NUDT3: variants seen among roughly 807,000 people sequenced by gnomAD.
The protein encoded by NUDT3 is nudix hydrolase 3, also known as diphosphoinositol polyphosphate phosphohydrolase 1.
NUDT3 carries 9 observed loss-of-function variants against 23.6 expected under a neutral mutation model. The ratio of observed to expected loss-of-function variants is 0.38; its 90% CI spans 0.23 to 0.66. The LOEUF is 0.66. Ranked by LOEUF, NUDT3 falls within the 30% of genes least tolerant of loss-of-function variation. NUDT3 has a pLI of 0.52. For synonymous variants in NUDT3, 86 were observed against 82.6 expected, an observed-to-expected ratio of 1.04 and a Z score of -0.22; for missense variants, 172 against 218.5, an observed-to-expected ratio of 0.79 and a Z score of 1.34.
At chr6:34,315,400 T>C (rs1204354377) in intron 2 of NUDT3, among the ~76,000 whole-genome samples, 1 of 152,364 alleles carries the variant, frequency 6.6e-6, no homozygotes, top group South Asian at 2.1e-4. Flanking sequence ...TCACCAGAGA[T>C]GAACGGTTTA....
At chr6:34,375,323 GAC>G (rs1176508010) in intron 1 of NUDT3, among the ~76,000 whole-genome samples, 8 of 152,034 alleles carry the variant, frequency 5.3e-5, no homozygotes, top group Non-Finnish European at 7.4e-5. Flanking sequence ...CAGCCTGGGC[GAC>G]AGAGTAAGAC....
chr6:34,323,909 C>T (rs527261456), intron 2 of NUDT3, among the ~76,000 whole-genome samples: 38 of 152,092 alleles, frequency 2.5e-4, no homozygotes, highest in Non-Finnish European at 2.8e-4. Context: ...ATCTTCTTTG[C>T]GCTGTCTTTT....
intron 2 of NUDT3, among the ~76,000 whole-genome samples, chr6:34,324,371 C>G (rs2113720344): frequency 6.6e-6 from 1 of 150,732 alleles, no homozygotes; most frequent in Non-Finnish European, 1.5e-5. Context: ...AAAAAAAAAG[C>G]CTTCAGAATA....
At position 34,392,001 on chromosome 6, in the gene NUDT3, G is replaced by A. The variant is rs540090248; in HGVS notation, c.99+263C>T. ...CGGCCGCTCTCCCCGGTAACAGGCG[G>A]CGGAACCGAAGCGCTCCGGCCACAA... On this transcript the variant is annotated intron_variant, in intron 1 of 4. Transcript: ENST00000607016. Among the ~76,000 whole-genome samples, 5 of 152,312 alleles carry A rather than the reference G, an allele frequency of 3.3e-5. No homozygotes were observed. The East Asian group carries it at 7.7e-4, about 24-fold the overall frequency.
In NUDT3 at chr6:34,286,290, A is replaced by G. The variant is rs1375798613; in HGVS notation, c.*2463T>C. The G allele has an allele frequency of 2.0e-5, 3 of 152,238 alleles. No homozygotes were observed. The highest frequency in any genetic ancestry group is 4.4e-5 in the Non-Finnish European group (3 of 68,084). 9.4% of individuals were successfully genotyped at this position (152,238 alleles called of 1,614,324 possible). On this transcript the variant is annotated 3_prime_UTR_variant, in exon 5 of 5. Transcript: ENST00000607016. ...GAGATGGGGTTTTGCCATGTTGGTC[A>G]GGCTGGTCTCAAACTCCTGGCCTCA...
At chr6:34,310,912 C>G (rs2113709375) in intron 2 of NUDT3, among the ~76,000 whole-genome samples, 1 of 146,156 alleles carries the variant, frequency 6.8e-6, no homozygotes, top group Non-Finnish European at 1.5e-5. Flanking sequence ...GGTATAGATG[C>G]AGAAAAAGCA....
chr6:34,373,953 A>C (rs1764879442), intron 1 of NUDT3, among the ~76,000 whole-genome samples: 2 of 152,080 alleles, frequency 1.3e-5, no homozygotes, highest in Non-Finnish European at 2.9e-5. Context: ...CAGGAGTTTG[A>C]GACCAGCCTG....
rs1236539853 is a variant in NUDT3 at position 34,288,069 on chromosome 6, T to G, written c.*684A>C. 1.3e-5 allele frequency: 2 copies of G among 152,208 alleles called. No homozygotes were observed. Among genetic ancestry groups the G allele is most frequent in the Non-Finnish European group, 2.9e-5 (2 of 68,044 alleles). 9.4% of individuals were successfully genotyped at this position (152,208 alleles called of 1,614,324 possible). A position where few individuals can be genotyped will look rare whatever the true frequency, so the allele number is the denominator to read the frequency against. ...AAGGTAGCTAAACTCTTCCCATATCTACAGTCAATGACTGGGAAATAGAGA... is the reference window on the plus strand; with the variant it reads ...AAGGTAGCTAAACTCTTCCCATATCGACAGTCAATGACTGGGAAATAGAGA... On this transcript the variant is annotated 3_prime_UTR_variant, in exon 5 of 5. Transcript: ENST00000607016.
At chr6:34,351,465 G>A (rs1764475255) in intron 1 of NUDT3, among the ~76,000 whole-genome samples, 2 of 148,612 alleles carry the variant, frequency 1.3e-5, no homozygotes, top group African/African-American at 5.0e-5. Flanking sequence ...TAGAGGGCCA[G>A]GCGCGGTGGC....
chr6:34,321,700 G>A (rs1763945127), intron 2 of NUDT3, among the ~76,000 whole-genome samples: 1 of 152,084 alleles, frequency 6.6e-6, no homozygotes, highest in Non-Finnish European at 1.5e-5. Context: ...TCACTGAGCA[G>A]TACTACACTC....
chr6:34,327,955 G>A (rs1764067361), intron 2 of NUDT3, among the ~76,000 whole-genome samples: 1 of 152,128 alleles, frequency 6.6e-6, no homozygotes, highest in Non-Finnish European at 1.5e-5. Flanking sequence ...CCCTGTACCT[G>A]CCAGTTATTC....
intron 1 of NUDT3, among the ~76,000 whole-genome samples, chr6:34,348,424 G>A (rs1401318320): frequency 6.6e-6 from 1 of 152,112 alleles, no homozygotes; most frequent in African/African-American, 2.4e-5. Context: ...CGAGGCTGCA[G>A]TGAGCTATGA....
intron 1 of NUDT3, among the ~76,000 whole-genome samples, chr6:34,363,769 TTTCTTTTTC>T (rs1389381488): frequency 2.6e-5 from 4 of 151,776 alleles, no homozygotes; most frequent in Non-Finnish European, 5.9e-5. Context: ...AGTAATTTTT[TTTCTTTTTC>T]TTCTTTTTTT....
intron 2 of NUDT3, among the ~76,000 whole-genome samples, chr6:34,314,671 C>G (rs1763832004): frequency 6.6e-6 from 1 of 151,902 alleles, no homozygotes; most frequent in Non-Finnish European, 1.5e-5. Flanking sequence ...ATCCTCCTAA[C>G]AACGGTAATA....
Position 34,389,571 on chromosome 6 carries a change from T to C in NUDT3, c.99+2693A>G, listed in dbSNP as rs554211737. Reference sequence around the variant, plus strand: ...TACTTGGGAGGCTGAGACGGGAGGATTGCTTGAGCATAGGAGGTTGAGGCT... The same window carrying C: ...TACTTGGGAGGCTGAGACGGGAGGACTGCTTGAGCATAGGAGGTTGAGGCT... On this transcript the variant is annotated intron_variant, in intron 1 of 4. Coordinates refer to ENST00000607016, the MANE Select transcript of NUDT3 (RefSeq NM_006703.4). Among the ~76,000 whole-genome samples the C allele has an allele frequency of 4.6e-5, 7 of 151,628 alleles. No individual in the cohort carries two copies. In the East Asian group the frequency reaches 7.9e-4, roughly 17 times the overall value.
At chr6:34,346,943 C>G (rs1170473122) in intron 1 of NUDT3, among the ~76,000 whole-genome samples, 1 of 151,916 alleles carries the variant, frequency 6.6e-6, no homozygotes, top group Non-Finnish European at 1.5e-5. Flanking sequence ...TTTTAAACTT[C>G]ATTTTTTAGA....
chr6:34,326,750 G>A (rs1052797988), intron 2 of NUDT3, among the ~76,000 whole-genome samples: 1 of 151,906 alleles, frequency 6.6e-6, no homozygotes, highest in Non-Finnish European at 1.5e-5. Context: ...ATAGGCACCC[G>A]CCACCATGCC....
intron 1 of NUDT3, 133 bp downstream of exon 1, chr6:34,392,131 A>T: frequency 1.6e-6 from 1 of 636,928 alleles, no homozygotes; most frequent in South Asian, 2.0e-5. Context: ...GCCTCAGGAA[A>T]TTCCATCGGA....
At chr6:34,340,636 T>C (rs1764273868) in intron 2 of NUDT3, among the ~76,000 whole-genome samples, 1 of 152,186 alleles carries the variant, frequency 6.6e-6, no homozygotes, top group Non-Finnish European at 1.5e-5. Context: ...ATCCTCTCTG[T>C]CAATGTTTAT....
Sources: gnomAD v4.1 joint callset for allele counts (sites outside exome capture counted in the v4.1 genomes callset) on GRCh38, gnomAD v4.1.1 for gene constraint, MANE v1.5 for transcripts, NCBI Gene and HGNC (gene_info 2026-07-23, HGNC 2026-07-21) for gene names.